The following ADCY5 variants were observed in gnomAD, a reference collection of about 807,000 sequenced individuals.
The protein encoded by ADCY5 is adenylate cyclase type 5.
In ADCY5, 30 loss-of-function variants were observed where a neutral mutation model predicts 119.7. The ratio of observed to expected loss-of-function variants is 0.25; its 90% CI spans 0.19 to 0.34. The LOEUF (loss-of-function observed/expected upper bound fraction) is 0.34, where lower values mean the gene tolerates loss of function less well. ADCY5 is among the 10% of genes least tolerant of loss of function. ADCY5 has a pLI of 1.00. For synonymous variants in ADCY5, 753 were observed against 762.2 expected (o/e 0.99, Z 0.20); for missense variants, 1,324 against 1,775.2 (o/e 0.75, Z 4.57).
intron 1 of ADCY5, among the ~76,000 whole-genome samples, chr3:123,357,855 G>C (rs575802109): frequency 6.6e-6 from 1 of 152,132 alleles, no homozygotes; most frequent in Non-Finnish European, 1.5e-5. Context: ...TACACACAGA[G>C]GGAGTCTGAA....
chr3:123,291,012 C>T lies in ADCY5; in HGVS notation c.3327+101G>A, dbSNP rs73186452. The stretch of plus-strand genomic sequence containing the variant: ...GCTCCCATCATCACTGCTTATGTCA[C>T]GATGGTAGAAGGGGGCGCCAGGTCT... On this transcript the variant is annotated intron_variant, in intron 18 of 20. Coordinates refer to ENST00000462833, the MANE Select transcript of ADCY5 (RefSeq NM_183357.3). The T allele has an allele frequency of 0.022, 31,375 of 1,429,936 alleles. 447 individuals are homozygous for T. The highest frequency in any genetic ancestry group is 0.056 in the African/African-American group (3,900 of 69,804). 88.6% of individuals were successfully genotyped at this position (1,429,936 alleles called of 1,614,324 possible).
Position 123,314,334 on chromosome 3 carries a change from G to A in ADCY5, c.2355-12C>T. 6.2e-7 allele frequency: 1 copy of A among 1,602,948 alleles called. No individual in the cohort carries two copies. The highest frequency in any genetic ancestry group is 8.5e-7 in the Non-Finnish European group (1 of 1,171,328). The stretch of plus-strand genomic sequence containing the variant: ...GCATGAATATGGAGCTGGAAGGAGA[G>A]AGGAGGGGAGGGAGAAGCCAGGCTC... On this transcript the variant is annotated splice_polypyrimidine_tract_variant and intron_variant, in intron 11 of 20. Transcript: ENST00000462833.
intron 15 of ADCY5, 123 bp from the exon 16 acceptor site, chr3:123,297,505 C>A (rs1038731159): frequency 4.5e-5 from 48 of 1,073,538 alleles, no homozygotes; most frequent in Non-Finnish European, 5.9e-5. Flanking sequence ...GGCTCCCCAG[C>A]CCCATTCACC....
chr3:123,316,710 T>C (rs1559800205), intron 11 of ADCY5, among the ~76,000 whole-genome samples: 1 of 152,158 alleles, frequency 6.6e-6, no homozygotes, highest in African/African-American at 2.4e-5. Context: ...AGAAGACATT[T>C]TGGGGGACAG....
chr3:123,296,025 G>C, intron 17 of ADCY5, 59 bp downstream of exon 17: 1 of 1,597,342 alleles, frequency 6.3e-7, no homozygotes, highest in Non-Finnish European at 8.5e-7. Context: ...CGAGCCTGTT[G>C]TCTCCGCCAC....
intron 3 of ADCY5, among the ~76,000 whole-genome samples, chr3:123,340,639 AG>A (rs1049510322): frequency 1.3e-5 from 2 of 152,182 alleles, no homozygotes; most frequent in African/African-American, 4.8e-5. Flanking sequence ...CCACCAATTA[AG>A]GCAAACTGAG....
rs1282047659 is a variant in ADCY5 at position 123,328,726 on chromosome 3, G to T, written c.1723C>A (p.Leu575Ile). The T allele has an allele frequency of 5.0e-6, 8 of 1,614,088 alleles. No individual in the cohort carries two copies. The highest frequency in any genetic ancestry group is 6.8e-6 in the Non-Finnish European group (8 of 1,180,038). The change falls in exon 6 of 21, where the codon CTT (leucine) becomes ATT (isoleucine). Residue 575 changes from leucine (L) to isoleucine (I), a missense_variant. Leu to Ile is a conservative substitution (Grantham distance 5). Around this residue, in one of 6 missense-constraint regions of ADCY5, gnomAD observed 123 missense variants for 287.9 expected, o/e 0.43. Coordinates refer to ENST00000462833, the MANE Select transcript of ADCY5 (RefSeq NM_183357.3). The stretch of plus-strand genomic sequence containing the variant: ...TCGAACTGCCACTTCCTGAGACCAA[G>T]GACACCGCAGTGTACTCGCCCGCTG... ...IHSGRVHCGV[L>I]GLRKWQFDVW... is the part of the protein sequence containing the mutation.
intron 1 of ADCY5, among the ~76,000 whole-genome samples, chr3:123,395,683 G>C (rs929716247): frequency 6.6e-6 from 1 of 151,760 alleles, no homozygotes; most frequent in African/African-American, 2.4e-5. Context: ...TTCAAGACTA[G>C]CCTTGGCAAC....
At chr3:123,373,394 T>C (rs1357519227) in intron 1 of ADCY5, among the ~76,000 whole-genome samples, 1 of 152,228 alleles carries the variant, frequency 6.6e-6, no homozygotes, top group African/African-American at 2.4e-5. Context: ...GCAAACTGGA[T>C]TGATACCAGA....
At chr3:123,401,002 G>C (rs1370258166) in intron 1 of ADCY5, among the ~76,000 whole-genome samples, 2 of 151,560 alleles carry the variant, frequency 1.3e-5, no homozygotes, top group South Asian at 4.2e-4. Flanking sequence ...GATACGGTAT[G>C]AAAGCAGTTA....
chr3:123,294,443 G>A (rs1045138521), intron 17 of ADCY5, among the ~76,000 whole-genome samples: 13 of 152,258 alleles, frequency 8.5e-5, no homozygotes, highest in African/African-American at 3.1e-4. Context: ...TGCTGGTTGA[G>A]CAGGCCATCA....
intron 12 of ADCY5, among the ~76,000 whole-genome samples, 199 bp downstream of exon 12, chr3:123,314,036 C>T (rs537665091): frequency 3.1e-4 from 47 of 152,338 alleles, no homozygotes; most frequent in African/African-American, 1.1e-3. Context: ...GAAGAACAGG[C>T]TCCCACTGAC....
At chr3:123,393,429 T>G (rs1319386979) in intron 1 of ADCY5, among the ~76,000 whole-genome samples, 1 of 151,944 alleles carries the variant, frequency 6.6e-6, no homozygotes, top group Non-Finnish European at 1.5e-5. Context: ...GGTGGGGTAA[T>G]GCCTGTAGCC....
chr3:123,414,739 T>A (rs1354435107), intron 1 of ADCY5, among the ~76,000 whole-genome samples: 1 of 152,094 alleles, frequency 6.6e-6, no homozygotes, highest in Non-Finnish European at 1.5e-5. Flanking sequence ...GTATTTTTAG[T>A]AGAGATGGGG....
chr3:123,412,432 C>T (rs1389927599), intron 1 of ADCY5, among the ~76,000 whole-genome samples: 9 of 152,206 alleles, frequency 5.9e-5, no homozygotes, highest in South Asian at 4.1e-4. Flanking sequence ...CTCCAAAAGC[C>T]GGGAAACCAT....
At chr3:123,428,785 G>C (rs1945462717) in intron 1 of ADCY5, among the ~76,000 whole-genome samples, 1 of 152,160 alleles carries the variant, frequency 6.6e-6, no homozygotes, top group Non-Finnish European at 1.5e-5. Flanking sequence ...AGATTCCTGG[G>C]CTCTACTCCA....
intron 15 of ADCY5, 100 bp from the exon 16 acceptor site, chr3:123,297,482 A>G: frequency 7.6e-7 from 1 of 1,319,746 alleles, no homozygotes; most frequent in Non-Finnish European, 1.1e-6. Context: ...TGTCCCCACC[A>G]CTGCTGCTCC....
intron 7 of ADCY5, among the ~76,000 whole-genome samples, chr3:123,327,140 G>A (rs932498882): frequency 1.3e-5 from 2 of 152,192 alleles, no homozygotes; most frequent in African/African-American, 4.8e-5. Context: ...GCAAGTGTGG[G>A]CTGAGACAAA....
At chr3:123,322,925 C>G (rs1396791772) in intron 8 of ADCY5, among the ~76,000 whole-genome samples, 3 of 152,240 alleles carry the variant, frequency 2.0e-5, no homozygotes, top group Non-Finnish European at 4.4e-5. Context: ...CTTCAGTGGA[C>G]TGTTTCTCAT....
Sources: gnomAD v4.1 joint callset for allele counts (sites outside exome capture counted in the v4.1 genomes callset) on GRCh38, gnomAD v4.1.1 for gene constraint, gnomAD v4.1.1 regional missense constraint, MANE v1.5 for transcripts, NCBI Gene and HGNC (gene_info 2026-07-23, HGNC 2026-07-21) for gene names.